The following TESK2 variants were observed in gnomAD, a reference collection of about 807,000 sequenced individuals.
TESK2 encodes the protein dual specificity testis-specific protein kinase 2.
A neutral mutation model predicts 57.1 loss-of-function variants in TESK2; 39 were observed. The observed-to-expected ratio is 0.68, with a 90% CI of 0.53 to 0.89. TESK2 has a LOEUF of 0.89. TESK2 is among the 40% of genes least tolerant of loss of function. TESK2 has a pLI of 0.00. For missense variants in TESK2, 646 were observed against 732.1 expected (o/e 0.88, Z 1.36); for synonymous variants, 249 against 267.9 (o/e 0.93, Z 0.69).
chr1:45,395,290 A>G (rs1649312745), intron 3 of TESK2, among the ~76,000 whole-genome samples: 1 of 152,192 alleles, frequency 6.6e-6, no homozygotes, highest in African/African-American at 2.4e-5. Context: ...CCCTCAGGCT[A>G]TACGGTAGAG....
chr1:45,464,638 GAT>G, intron 1 of TESK2, among the ~76,000 whole-genome samples: 1 of 152,252 alleles, frequency 6.6e-6, no homozygotes, highest in East Asian at 1.9e-4. Flanking sequence ...TTGTTATCAA[GAT>G]ATGTTTCATT....
In TESK2 at chr1:45,421,838, G is replaced by A. The variant is rs140513440; in HGVS notation, c.231C>T (p.His77=). 6.0e-4 allele frequency: 972 copies of A among 1,614,028 alleles called. 13 individuals are homozygous for A. In the African/African-American group the frequency reaches 0.011, roughly 19 times the overall value. ...GFFSEVFKVR[H]RASGQVMALK... The stretch of plus-strand genomic sequence containing the variant: ...GAGCCATCACCTGACCAGAAGCTCG[G>A]TGTCGTACCTAGAATATTAAATAGA... Residue 77 remains histidine, a synonymous_variant, in exon 3 of 11, where the codon CAC becomes CAT. Coordinates refer to ENST00000372086, the MANE Select transcript of TESK2 (RefSeq NM_007170.3).
At chr1:45,488,676 C>A (rs1557593544) in intron 1 of TESK2, among the ~76,000 whole-genome samples, 1 of 152,216 alleles carries the variant, frequency 6.6e-6, no homozygotes. Context: ...ATGTACCTGG[C>A]ATATAGTATA....
rs751244310 is a variant in TESK2, at chr1:45,457,848, T to C, written c.-63A>G. On this transcript the variant is annotated 5_prime_UTR_variant, in exon 2 of 11. Coordinates refer to ENST00000372086, the MANE Select transcript of TESK2 (RefSeq NM_007170.3). Reference sequence around the variant, plus strand: ...ACTCCACACATAAATTTTTGTTGAATTTTACTTCTCTTCTGGTTTGACACT... The same window carrying C: ...ACTCCACACATAAATTTTTGTTGAACTTTACTTCTCTTCTGGTTTGACACT... 9.0e-6 allele frequency: 13 copies of C among 1,451,972 alleles called. No individual in the cohort carries two copies. Among genetic ancestry groups the C allele is most frequent in the Non-Finnish European group, 1.2e-5 (13 of 1,047,648 alleles). 89.9% of individuals were successfully genotyped at this position (1,451,972 alleles called of 1,614,324 possible). A position where few individuals can be genotyped will look rare whatever the true frequency, so the allele number is the denominator to read the frequency against.
intron 2 of TESK2, among the ~76,000 whole-genome samples, chr1:45,456,785 T>C (rs1189212389): frequency 6.6e-6 from 1 of 152,022 alleles, no homozygotes; most frequent in Non-Finnish European, 1.5e-5. Context: ...AGTAACTGGG[T>C]AAAGATGTGT....
At chr1:45,353,980 A>G (rs1647304794) in intron 5 of TESK2, among the ~76,000 whole-genome samples, 1 of 152,226 alleles carries the variant, frequency 6.6e-6, no homozygotes, top group African/African-American at 2.4e-5. Flanking sequence ...GGGTCAGTAC[A>G]TATGGCCCTA....
At chr1:45,469,057 A>G (rs1431562557) in intron 1 of TESK2, among the ~76,000 whole-genome samples, 2 of 152,140 alleles carry the variant, frequency 1.3e-5, no homozygotes, top group Non-Finnish European at 2.9e-5. Flanking sequence ...CTACATAGGT[A>G]GGTTTGTTTT....
At chr1:45,380,111 G>C (rs1483245798) in intron 4 of TESK2, among the ~76,000 whole-genome samples, 1 of 152,092 alleles carries the variant, frequency 6.6e-6, no homozygotes, top group African/African-American at 2.4e-5. Context: ...TGTTGGCCAG[G>C]CTGGTCTCAA....
At chr1:45,426,688 T>C (rs1650707509) in intron 2 of TESK2, among the ~76,000 whole-genome samples, 1 of 152,034 alleles carries the variant, frequency 6.6e-6, no homozygotes. Flanking sequence ...ATTTGCAAAA[T>C]ATCCATCTGA....
chr1:45,396,805 G>GTTTTTT (rs55739766), intron 3 of TESK2, among the ~76,000 whole-genome samples: 11 of 73,568 alleles, frequency 1.5e-4, no homozygotes, highest in East Asian at 1.5e-3. Context: ...CAGCTAAGTT[G>GTTTTTT]TTTTTTTTTT....
chr1:45,428,950 T>C (rs2149289489), intron 2 of TESK2, among the ~76,000 whole-genome samples: 1 of 147,966 alleles, frequency 6.8e-6, no homozygotes, highest in African/African-American at 2.5e-5. Context: ...GCCTCCCAAG[T>C]ATCTGGGACT....
intron 2 of TESK2, among the ~76,000 whole-genome samples, chr1:45,454,644 TCAGCAATTCTATTTA>T (rs773957280): frequency 1.3e-5 from 2 of 151,962 alleles, no homozygotes; most frequent in Non-Finnish European, 2.9e-5. Context: ...CTCATATGAC[TCAGCAATTCTATTTA>T]CAGCTAAATA....
intron 2 of TESK2, among the ~76,000 whole-genome samples, chr1:45,444,377 C>T (rs1288130556): frequency 6.6e-6 from 1 of 152,104 alleles, no homozygotes; most frequent in East Asian, 1.9e-4. Flanking sequence ...AATGTTTTCA[C>T]CATAAAATTA....
At chr1:45,384,612 T>TTATTTA in intron 4 of TESK2, among the ~76,000 whole-genome samples, 2 of 133,676 alleles carry the variant, frequency 1.5e-5, no homozygotes, top group East Asian at 2.1e-4. Flanking sequence ...TTTTTTTTTT[T>TTATTTA]TTTTTTTTTT....
chr1:45,396,846 C>T (rs1182846232), intron 3 of TESK2, among the ~76,000 whole-genome samples: 5 of 101,020 alleles, frequency 4.9e-5, no homozygotes, highest in East Asian at 3.4e-4. Flanking sequence ...AGTCTCACTT[C>T]GTTGCTCTGT....
At chr1:45,404,844 A>G (rs1418109695) in intron 3 of TESK2, among the ~76,000 whole-genome samples, 3 of 152,074 alleles carry the variant, frequency 2.0e-5, no homozygotes, top group Non-Finnish European at 4.4e-5. Context: ...CACCAGGCCT[A>G]TTTCTATTTT....
intron 3 of TESK2, among the ~76,000 whole-genome samples, chr1:45,404,987 G>C (rs1570696347): frequency 6.6e-6 from 1 of 152,064 alleles, no homozygotes; most frequent in Non-Finnish European, 1.5e-5. Context: ...TCAGATTATT[G>C]TGACAGTAGT....
intron 1 of TESK2, among the ~76,000 whole-genome samples, chr1:45,466,792 T>C (rs996753024): frequency 6.6e-6 from 1 of 151,540 alleles, no homozygotes; most frequent in African/African-American, 2.4e-5. Flanking sequence ...TGAACTTAGA[T>C]ATGTTATTTA....
chr1:45,361,969 C>A (rs1425703505), intron 4 of TESK2, among the ~76,000 whole-genome samples: 1 of 151,978 alleles, frequency 6.6e-6, no homozygotes, highest in Non-Finnish European at 1.5e-5. Context: ...AAGACCCCCA[C>A]TCAAAAAAAA....
Sources: gnomAD v4.1 joint callset for allele counts (sites outside exome capture counted in the v4.1 genomes callset) on GRCh38, gnomAD v4.1.1 for gene constraint, MANE v1.5 for transcripts, NCBI Gene and HGNC (gene_info 2026-07-23, HGNC 2026-07-21) for gene names.